The following CIAPIN1 variants were observed in gnomAD, a reference collection of about 807,000 sequenced individuals.
CIAPIN1 encodes the protein cytokine induced apoptosis inhibitor 1.
A neutral mutation model predicts 34.3 loss-of-function variants in CIAPIN1; 18 were observed. That is an observed-to-expected ratio of 0.52 (90% CI 0.36 to 0.78). The LOEUF (loss-of-function observed/expected upper bound fraction) is 0.78. Ranked by LOEUF, CIAPIN1 falls within the 30% of genes least tolerant of loss-of-function variation. The probability of loss-of-function intolerance (pLI) is 0.00; values close to 1 mark genes in which losing one functional copy is unlikely to be tolerated. For synonymous variants in CIAPIN1, 131 were observed against 140.4 expected (o/e 0.93, Z 0.47); for missense variants, 310 against 372.5 (o/e 0.83, Z 1.38).
At chr16:57,433,999 C>T in intron 5 of CIAPIN1, 45 bp downstream of exon 5, 1 of 1,554,008 alleles carries the variant, frequency 6.4e-7, no homozygotes, top group South Asian at 1.1e-5. Flanking sequence ...TAACATGTCC[C>T]TCTAAGCCCA....
intron 3 of CIAPIN1, among the ~76,000 whole-genome samples, chr16:57,438,497 T>A (rs903865244): frequency 6.6e-6 from 1 of 152,206 alleles, no homozygotes; most frequent in Non-Finnish European, 1.5e-5. Flanking sequence ...TACCCAATTA[T>A]AGCATGATAT....
intron 7 of CIAPIN1, 49 bp downstream of exon 7, chr16:57,431,102 T>G: frequency 8.6e-7 from 1 of 1,159,030 alleles, no homozygotes; most frequent in Non-Finnish European, 1.3e-6. Flanking sequence ...GTCTTCAGCA[T>G]GAAGCCACTG....
intron 1 of CIAPIN1, among the ~76,000 whole-genome samples, chr16:57,442,106 G>A (rs1161914238): frequency 6.6e-6 from 1 of 152,202 alleles, no homozygotes; most frequent in Admixed American, 6.5e-5. Context: ...AGCACTTTAG[G>A]AAGCCGAGCC....
chr16:57,443,128 G>GTTTT (rs1324392369), intron 1 of CIAPIN1, among the ~76,000 whole-genome samples: 6 of 140,126 alleles, frequency 4.3e-5, no homozygotes, highest in African/African-American at 1.4e-4. Context: ...AATAATTCTG[G>GTTTT]TTTTGTTTTT....
At chr16:57,439,501 T>C (rs1223436990) in intron 2 of CIAPIN1, among the ~76,000 whole-genome samples, 167 bp from the exon 3 acceptor site, 1 of 152,128 alleles carries the variant, frequency 6.6e-6, no homozygotes, top group Non-Finnish European at 1.5e-5. Context: ...AAACATGGAA[T>C]AGCTACCAAG....
At chr16:57,433,854 T>C (rs1903142216) in intron 5 of CIAPIN1, 190 bp downstream of exon 5, 3 of 537,554 alleles carry the variant, frequency 5.6e-6, no homozygotes, top group Non-Finnish European at 1.0e-5. Flanking sequence ...ATAATACCTA[T>C]GTATTATTTC....
chr16:57,437,058 C>T (rs773749959), intron 3 of CIAPIN1, among the ~76,000 whole-genome samples: 41 of 151,990 alleles, frequency 2.7e-4, no homozygotes, highest in Non-Finnish European at 5.4e-4. Flanking sequence ...ACCTGGGAGG[C>T]GGAGGTTGCA....
chr16:57,438,342 TACC>T (rs767281008), intron 3 of CIAPIN1, among the ~76,000 whole-genome samples: 4 of 152,198 alleles, frequency 2.6e-5, no homozygotes, highest in African/African-American at 4.8e-5. Context: ...AATCAATAAT[TACC>T]ACATCATTCC....
chr16:57,443,218 C>T (rs1373303774), intron 1 of CIAPIN1, among the ~76,000 whole-genome samples: 1 of 149,576 alleles, frequency 6.7e-6, no homozygotes, highest in African/African-American at 2.5e-5. Context: ...TGGCTCACCA[C>T]AACCTCTGCC....
intron 4 of CIAPIN1, 56 bp from the exon 5 acceptor site, chr16:57,434,268 T>C: frequency 1.3e-6 from 2 of 1,542,776 alleles, no homozygotes; most frequent in Non-Finnish European, 1.8e-6. Flanking sequence ...AATGGTTTAC[T>C]ATGTCTACCT....
At chr16:57,439,055 C>G in intron 3 of CIAPIN1, 127 bp downstream of exon 3, 2 of 878,690 alleles carry the variant, frequency 2.3e-6, no homozygotes, top group Non-Finnish European at 1.7e-6. Flanking sequence ...ATAATTTATC[C>G]CCAAGGAAAA....
chr16:57,444,663 T>C (rs535087461), intron 1 of CIAPIN1, among the ~76,000 whole-genome samples: 1 of 152,370 alleles, frequency 6.6e-6, no homozygotes, highest in East Asian at 1.9e-4. Flanking sequence ...CTACATTCAT[T>C]AAACATCAAC....
intron 1 of CIAPIN1, among the ~76,000 whole-genome samples, chr16:57,444,502 G>A (rs975436823): frequency 6.6e-6 from 1 of 152,178 alleles, no homozygotes; most frequent in African/African-American, 2.4e-5. Flanking sequence ...ATGGGAACCT[G>A]CTTTTTCATT....
chr16:57,447,327 C>A lies in CIAPIN1; in HGVS notation c.-56+15G>T. The A allele has an allele frequency of 2.2e-6, 1 of 462,830 alleles. No individual in the cohort carries two copies. 28.7% of individuals were successfully genotyped at this position (462,830 alleles called of 1,614,324 possible). On this transcript the variant is annotated intron_variant, in intron 1 of 8. Coordinates refer to ENST00000394391, the MANE Select transcript of CIAPIN1 (RefSeq NM_020313.4). ...GAGGGAGCTCTGGCGCTCAGCTGGC[C>A]CCCACCACTCTCACCTGCCGCCTGG...
chr16:57,436,852 C>A, intron 3 of CIAPIN1, 120 bp from the exon 4 acceptor site: 1 of 630,094 alleles, frequency 1.6e-6, no homozygotes, highest in Non-Finnish European at 2.6e-6. Context: ...GGCGTGGTGG[C>A]TCATGTCTGT....
chr16:57,446,894 A>G (rs2030099037), intron 1 of CIAPIN1, among the ~76,000 whole-genome samples: 1 of 152,032 alleles, frequency 6.6e-6, no homozygotes, highest in East Asian at 1.9e-4. Context: ...GAGCTCAGGT[A>G]CCCCCCGACT....
chr16:57,433,173 C>G (rs1903126412), intron 5 of CIAPIN1, among the ~76,000 whole-genome samples: 1 of 152,186 alleles, frequency 6.6e-6, no homozygotes, highest in Non-Finnish European at 1.5e-5. Context: ...CCTCACACTT[C>G]CTGGTTCTCT....
chr16:57,432,448 C>T, intron 6 of CIAPIN1, 39 bp downstream of exon 6: 1 of 1,597,970 alleles, frequency 6.3e-7, no homozygotes, highest in Admixed American at 1.7e-5. Context: ...AAACTGGGGC[C>T]TGAAAGAAAG....
intron 8 of CIAPIN1, among the ~76,000 whole-genome samples, chr16:57,429,714 G>C (rs376328450): frequency 8.6e-5 from 13 of 151,438 alleles, no homozygotes; most frequent in East Asian, 3.9e-4. Flanking sequence ...GGATGGTCTC[G>C]ATCTCCTGAC....
Sources: gnomAD v4.1 joint callset for allele counts (sites outside exome capture counted in the v4.1 genomes callset) on GRCh38, gnomAD v4.1.1 for gene constraint, MANE v1.5 for transcripts, NCBI Gene and HGNC (gene_info 2026-07-23, HGNC 2026-07-21) for gene names.